The following TCOF1 variants were observed in gnomAD, a reference collection of about 807,000 sequenced individuals.
TCOF1 encodes the protein treacle ribosome biogenesis factor 1, also known as treacle protein.
TCOF1 carries 33 observed loss-of-function variants against 149.0 expected under a neutral mutation model. The ratio of observed to expected loss-of-function variants is 0.22; its 90% CI spans 0.17 to 0.30. The LOEUF is 0.30. Among genes scored for constraint, TCOF1 ranks in the 10% least tolerant of loss-of-function variants. The pLI is 1.00. For missense variants in TCOF1, 1,728 were observed against 1,840.7 expected, an observed-to-expected ratio of 0.94 and a Z score of 1.12; for synonymous variants, 789 against 738.8, an observed-to-expected ratio of 1.07 and a Z score of -1.10.
At chr5:150,380,090 AAAAAG>A (rs1285619786) in intron 17 of TCOF1, 109 of 267,292 alleles carry the variant, frequency 4.1e-4, no homozygotes, top group African/African-American at 2.3e-3. Flanking sequence ...AAAAAAGAAA[AAAAAG>A]AAAAGTGAAA....
chr5:150,383,250 G>A, intron 17 of TCOF1: 2 of 1,252,406 alleles, frequency 1.6e-6, no homozygotes, highest in Middle Eastern at 2.3e-4. Context: ...GGCAGATCTT[G>A]CCCATAGGGA....
intron 17 of TCOF1, among the ~76,000 whole-genome samples, chr5:150,381,382 C>T (rs371996447): frequency 1.8e-4 from 27 of 152,180 alleles, no homozygotes; most frequent in East Asian, 5.8e-4. Flanking sequence ...GACAGGTGAC[C>T]GGATTATCGC....
At chr5:150,371,963 C>G in intron 6 of TCOF1, 43 bp from the exon 7 acceptor site, 2 of 1,560,496 alleles carry the variant, frequency 1.3e-6, no homozygotes, top group Non-Finnish European at 1.8e-6. Flanking sequence ...TAGGGGGAAA[C>G]AGTAATTATT....
chr5:150,382,989 C>T (rs943019149), intron 17 of TCOF1: 2 of 1,239,850 alleles, frequency 1.6e-6, no homozygotes, highest in Admixed American at 4.8e-5. Context: ...AGGGTCATTG[C>T]CTACTGGCTG....
chr5:150,392,673 G>T, intron 21 of TCOF1, 32 bp from the exon 22 acceptor site: 1 of 1,612,352 alleles, frequency 6.2e-7, no homozygotes, highest in South Asian at 1.1e-5. Context: ...GGGGCCACCT[G>T]GGGCTACCAA....
intron 17 of TCOF1, chr5:150,380,275 T>C (rs544748132): frequency 4.0e-5 from 7 of 174,952 alleles, no homozygotes; most frequent in Admixed American, 3.8e-4. Flanking sequence ...GTCCTGGGTC[T>C]ATATCTAGGT....
rs1269935196 is a variant in TCOF1, at chr5:150,376,592, G to A, written c.2312G>A (p.Ser771Asn). 1.3e-5 allele frequency: 21 copies of A among 1,579,378 alleles called. No homozygotes were observed. The highest frequency in any genetic ancestry group is 2.3e-5 in the South Asian group (2 of 87,310). ...GAGAGCAGTGAGGAGGAATCAGACA[G>A]TGAGGAAGCAGCTGCATCTCCAGCA... ...DSESSEEESD[S>N]EEAAASPAQV... Residue 771 changes from serine to asparagine, a missense_variant, in exon 14 of 27, where the codon AGT becomes AAT. By Grantham distance (46) the Ser-to-Asn change is conservative (BLOSUM62 1). This residue lies in a region of TCOF1 where 1,696 missense variants were observed against 1,765.4 expected (regional missense o/e 0.96). Transcript: ENST00000643257.
Position 150,379,605 on chromosome 5 carries a change from C to T in TCOF1, c.2732C>T (p.Ala911Val), listed in dbSNP as rs772086905. 1 of 1,614,070 alleles carries T rather than the reference C, an allele frequency of 6.2e-7. No individual in the cohort carries two copies. Among genetic ancestry groups the T allele is most frequent in the African/African-American group, 1.3e-5 (1 of 75,014 alleles). The change falls in exon 17 of 27, where the codon GCT becomes GTT. Residue 911 changes from alanine (A) to valine (V), a missense_variant. Ala to Val is a moderately conservative substitution (Grantham distance 64). Coordinates refer to ENST00000643257, the MANE Select transcript of TCOF1 (RefSeq NM_001371623.1). ...GCCAAGGAGTCCCCCAGGAAAGGGG[C>T]TGCCCCAACACCTCCTGGGAAGACA... is the stretch of plus-strand genomic sequence containing the variant. ...APAKESPRKG[A>V]APTPPGKTGP... is the part of the protein sequence containing the mutation.
At chr5:150,384,571 G>A in intron 17 of TCOF1, 1 of 985,476 alleles carries the variant, frequency 1.0e-6, no homozygotes, top group Non-Finnish European at 1.2e-6. Flanking sequence ...GGGAGGGAGG[G>A]GACCGCTCCC....
At chr5:150,383,765 G>A in intron 17 of TCOF1, 1 of 1,551,902 alleles carries the variant, frequency 6.4e-7, no homozygotes, top group South Asian at 1.2e-5. Flanking sequence ...AATCCCATGA[G>A]CTCTGCCCAG....
At chr5:150,366,427 G>C (rs1761369257) in intron 3 of TCOF1, among the ~76,000 whole-genome samples, 1 of 152,170 alleles carries the variant, frequency 6.6e-6, no homozygotes, top group South Asian at 2.1e-4. Context: ...TAGGATCTAT[G>C]GCATTTTCTT....
chr5:150,379,083 G>A (rs754070875), intron 15 of TCOF1, 41 bp downstream of exon 15: 3 of 1,613,844 alleles, frequency 1.9e-6, no homozygotes, highest in Non-Finnish European at 2.5e-6. Context: ...GGAGGGTTGG[G>A]GTAGAGAGGA....
chr5:150,396,727 C>G lies in TCOF1; in HGVS notation c.4230C>G (p.Gly1410=), dbSNP rs1487242526. The G allele has an allele frequency of 6.2e-7, 1 of 1,612,552 alleles. No individual in the cohort carries two copies. The highest frequency in any genetic ancestry group is 8.5e-7 in the Non-Finnish European group (1 of 1,179,588). Reference sequence around the variant, plus strand: ...AGAAGAAAGGGAAGGGGTCTCTTGGCTCCCAAGGGGCCAAGGACGAGCCAG... The same window carrying G: ...AGAAGAAAGGGAAGGGGTCTCTTGGGTCCCAAGGGGCCAAGGACGAGCCAG... ...VKEKKGKGSL[G]SQGAKDEPEE... is the part of the protein sequence containing the mutation. The change falls in exon 24 of 27, where the codon GGC becomes GGG. Residue 1410 remains glycine (G), a synonymous_variant. Coordinates refer to ENST00000643257, the MANE Select transcript of TCOF1 (RefSeq NM_001371623.1).
chr5:150,375,141 T>G lies in TCOF1; in HGVS notation c.1466T>G (p.Leu489Arg). 1 of 1,612,990 alleles carries G rather than the reference T, an allele frequency of 6.2e-7. No individual in the cohort carries two copies. Among genetic ancestry groups the G allele is most frequent in the African/African-American group, 1.3e-5 (1 of 74,786 alleles). ...SEESDSDREA[L>R]AAMNAAQVKP... Reference sequence around the variant, plus strand: ...GAGTCAGACAGTGACAGAGAGGCACTGGCAGCCATGAATGCAGCTCAGGTG... The same window carrying G: ...GAGTCAGACAGTGACAGAGAGGCACGGGCAGCCATGAATGCAGCTCAGGTG... The change falls in exon 10 of 27, where the codon CTG becomes CGG. Residue 489 changes from leucine (L) to arginine (R), a missense_variant. Physicochemically the swap from Leu to Arg is moderately radical, Grantham distance 102. Coordinates refer to ENST00000643257, the MANE Select transcript of TCOF1 (RefSeq NM_001371623.1).
intron 5 of TCOF1, 123 bp downstream of exon 5, chr5:150,369,025 T>C (rs1761964759): frequency 5.5e-6 from 7 of 1,281,914 alleles, no homozygotes; most frequent in Non-Finnish European, 6.6e-6. Context: ...GACAGCCAGG[T>C]TCCTGCATCT....
At chr5:150,362,504 G>T (rs983153600) in intron 2 of TCOF1, among the ~76,000 whole-genome samples, 9 of 152,186 alleles carry the variant, frequency 5.9e-5, no homozygotes, top group African/African-American at 1.7e-4. Context: ...CCCGGAGACA[G>T]AAGTGGGCCC....
rs142521634 is a variant in TCOF1 at position 150,376,643 on chromosome 5, C to G, written c.2340+23C>G. The stretch of plus-strand genomic sequence containing the variant: ...CAGGTGAGGCCTAGAAGGAGCAGGC[C>G]CATCCCACCCACACCTGTTCCTGAG... On this transcript the variant is annotated intron_variant, in intron 14 of 26. Transcript: ENST00000643257. 1.1e-4 allele frequency: 171 copies of G among 1,550,812 alleles called. 1 individual carries two copies. In the East Asian group the frequency reaches 4.1e-3, roughly 37 times the overall value.
rs780435658 is a variant in TCOF1, at chr5:150,399,083, A to G, written c.*22+13A>G. Reference sequence around the variant, plus strand: ...GCACCAGGCACAGGTACGCTTCCCAATCATTCCTGAGCATTCAGGGTGGGA... The same window carrying G: ...GCACCAGGCACAGGTACGCTTCCCAGTCATTCCTGAGCATTCAGGGTGGGA... On this transcript the variant is annotated intron_variant, in intron 26 of 26. Coordinates refer to ENST00000643257, the MANE Select transcript of TCOF1 (RefSeq NM_001371623.1). The G allele has an allele frequency of 6.8e-6, 11 of 1,614,094 alleles. No individual in the cohort carries two copies. The highest frequency in any genetic ancestry group is 6.7e-5 in the Admixed American group (4 of 60,012).
chr5:150,388,098 G>T lies in TCOF1; in HGVS notation c.3046+10G>T, dbSNP rs1360575063. On this transcript the variant is annotated intron_variant, in intron 18 of 26. Transcript: ENST00000643257. ...CAGTGCTTGACTCCTGGTGAGCGCAGCCCTTATGCAGTGGTGGGAGGGGCT... is the reference window on the plus strand; with the variant it reads ...CAGTGCTTGACTCCTGGTGAGCGCATCCCTTATGCAGTGGTGGGAGGGGCT... 1 of 1,612,944 alleles carries T rather than the reference G, an allele frequency of 6.2e-7. No individual in the cohort carries two copies. Among genetic ancestry groups the T allele is most frequent in the African/African-American group, 1.3e-5 (1 of 74,800 alleles).
Sources: gnomAD v4.1 joint callset for allele counts (sites outside exome capture counted in the v4.1 genomes callset) on GRCh38, gnomAD v4.1.1 for gene constraint, gnomAD v4.1.1 regional missense constraint, MANE v1.5 for transcripts, NCBI Gene and HGNC (gene_info 2026-07-23, HGNC 2026-07-21) for gene names.